RBFOX1: variants seen among roughly 807,000 people sequenced by gnomAD.
RBFOX1 encodes the protein RNA binding protein fox-1 homolog 1.
Under a neutral mutation model 57.7 loss-of-function variants are expected in RBFOX1, and 8 were observed. The ratio of observed to expected loss-of-function variants is 0.14; its 90% CI spans 0.08 to 0.25. The LOEUF (loss-of-function observed/expected upper bound fraction) is 0.25, where lower values mean the gene tolerates loss of function less well. RBFOX1 is among the 10% of genes least tolerant of loss of function. The pLI is 1.00. For missense variants in RBFOX1, 611 were observed against 548.5 expected (o/e 1.11, Z -1.14); for synonymous variants, 326 against 222.4 (o/e 1.47, Z -4.15).
At chr16:7,005,268 G>C (rs922652834) in intron 3 of RBFOX1, among the ~76,000 whole-genome samples, 1 of 152,162 alleles carries the variant, frequency 6.6e-6, no homozygotes, top group Admixed American at 6.5e-5. Flanking sequence ...CCTTTCAAGA[G>C]AACCTAAAGA....
chr16:6,535,967 T>C (rs2096729494), intron 2 of RBFOX1, among the ~76,000 whole-genome samples: 1 of 152,218 alleles, frequency 6.6e-6, no homozygotes, highest in African/African-American at 2.4e-5. Flanking sequence ...GCCTCTTTAG[T>C]TTCTATCCAA....
At chr16:5,329,031 T>C (rs900692465) in intron 1 of RBFOX1, among the ~76,000 whole-genome samples, 10 of 152,222 alleles carry the variant, frequency 6.6e-5, no homozygotes, top group South Asian at 2.1e-4. Context: ...ACAGCTAAAA[T>C]GTAGCCAGGC....
At chr16:5,390,194 T>C (rs2066366134) in intron 1 of RBFOX1, among the ~76,000 whole-genome samples, 1 of 152,144 alleles carries the variant, frequency 6.6e-6, no homozygotes, top group South Asian at 2.1e-4. Context: ...AATATATTTT[T>C]ATGCACTACA....
At chr16:6,634,151 T>G (rs1001470329) in intron 2 of RBFOX1, among the ~76,000 whole-genome samples, 3 of 152,186 alleles carry the variant, frequency 2.0e-5, no homozygotes, top group Non-Finnish European at 4.4e-5. Flanking sequence ...TGTGAGTAAT[T>G]CATGGAGGTT....
intron 3 of RBFOX1, among the ~76,000 whole-genome samples, chr16:5,830,940 G>C (rs1481838721): frequency 2.7e-5 from 4 of 150,096 alleles, no homozygotes; most frequent in Non-Finnish European, 5.9e-5. Context: ...AATTAACTCA[G>C]ACTGTCTCAC....
rs55707901 is a variant in RBFOX1, at chr16:6,193,392, CTATATATATATATATATATATATA to C, written c.-126-123592_-126-123569del. Among the ~76,000 whole-genome samples, 21 of 43,218 alleles carry C rather than the reference CTATATATATATATATATATATATA, an allele frequency of 4.9e-4. 1 individual carries two copies. In the South Asian group the frequency reaches 0.022, roughly 45 times the overall value. The allele number at this position is 43,218 out of a possible 152,430, so 28.4% of individuals were successfully genotyped here. A position where few individuals can be genotyped will look rare whatever the true frequency, so the allele number is the denominator to read the frequency against. On this transcript the variant is annotated intron_variant, in intron 1 of 15. Transcript: ENST00000550418. Reference sequence around the variant, plus strand: ...TATATATATACATTATATATATATACTATATATATATATATATATATATATATATATATAAAATTCAGTGAGAAG... The same window carrying C: ...TATATATATACATTATATATATATACTATATATATAAAATTCAGTGAGAAG...
At chr16:5,840,553 A>G (rs766487920) in intron 3 of RBFOX1, among the ~76,000 whole-genome samples, 32 of 152,174 alleles carry the variant, frequency 2.1e-4, no homozygotes, top group Non-Finnish European at 3.4e-4. Flanking sequence ...TGATCTTTAC[A>G]TAAACACTGA....
chr16:5,943,119 G>A (rs1328761259), intron 4 of RBFOX1, among the ~76,000 whole-genome samples: 1 of 152,146 alleles, frequency 6.6e-6, no homozygotes, highest in Non-Finnish European at 1.5e-5. Flanking sequence ...CTGGACCTCA[G>A]CACCCAGACA....
intron 1 of RBFOX1, among the ~76,000 whole-genome samples, chr16:6,246,578 A>C (rs2097570264): frequency 6.6e-6 from 1 of 152,180 alleles, no homozygotes; most frequent in South Asian, 2.1e-4. Flanking sequence ...GGGTTGGAAA[A>C]GTAATTGGCC....
chr16:7,688,145 G>A (rs1310866603), intron 14 of RBFOX1, among the ~76,000 whole-genome samples: 1 of 151,714 alleles, frequency 6.6e-6, no homozygotes, highest in African/African-American at 2.4e-5. Flanking sequence ...GGGGCATCTT[G>A]GCTGCCATCT....
chr16:6,595,001 C>T (rs899683894), intron 2 of RBFOX1, among the ~76,000 whole-genome samples: 3 of 152,074 alleles, frequency 2.0e-5, no homozygotes, highest in African/African-American at 4.8e-5. Context: ...GTTGGCCAGG[C>T]TGGTCTTGGT....
At chr16:7,388,472 C>T (rs1568566954) in intron 4 of RBFOX1, among the ~76,000 whole-genome samples, 2 of 151,988 alleles carry the variant, frequency 1.3e-5, no homozygotes, top group African/African-American at 4.8e-5. Context: ...AATTCTACTC[C>T]TCCTTTTTAT....
intron 4 of RBFOX1, among the ~76,000 whole-genome samples, chr16:7,112,097 C>T (rs2064898112): frequency 6.6e-6 from 1 of 152,074 alleles, no homozygotes; most frequent in Non-Finnish European, 1.5e-5. Context: ...ACAAAAATAT[C>T]CTGTGATCTT....
intron 3 of RBFOX1, among the ~76,000 whole-genome samples, chr16:6,950,279 G>C (rs1178747526): frequency 6.6e-6 from 1 of 151,954 alleles, no homozygotes; most frequent in African/African-American, 2.4e-5. Flanking sequence ...TGTCTTTGCA[G>C]AACCATGCTC....
At chr16:6,971,193 G>T (rs896222205) in intron 3 of RBFOX1, among the ~76,000 whole-genome samples, 1 of 152,152 alleles carries the variant, frequency 6.6e-6, no homozygotes, top group Admixed American at 6.6e-5. Context: ...CCGCTATACA[G>T]AGATTTTAAA....
At chr16:7,643,133 C>G (rs2063129494) in intron 11 of RBFOX1, among the ~76,000 whole-genome samples, 1 of 152,200 alleles carries the variant, frequency 6.6e-6, no homozygotes, top group South Asian at 2.1e-4. Flanking sequence ...TTAGTTACCA[C>G]CAATTCTACT....
intron 3 of RBFOX1, among the ~76,000 whole-genome samples, chr16:5,662,920 G>T (rs1232903598): frequency 6.6e-6 from 1 of 152,220 alleles, no homozygotes; most frequent in Non-Finnish European, 1.5e-5. Flanking sequence ...ATGTAGCTGG[G>T]ATAGTGCTTA....
rs374076712 is a variant in RBFOX1, at chr16:7,084,024, T to C, written c.27+31926T>C. The stretch of plus-strand genomic sequence containing the variant: ...TGACCTGTTAAAGGCCCTAACACTC[T>C]CCTGATCATCTTTCAGGTCATTTAC... On this transcript the variant is annotated intron_variant, in intron 4 of 15. Transcript: ENST00000550418. Among the ~76,000 whole-genome samples the C allele has an allele frequency of 2.7e-4, 41 of 152,210 alleles. No individual in the cohort carries two copies. The East Asian group carries it at 7.4e-3, about 27-fold the overall frequency.
At chr16:6,773,180 G>GTGTT (rs150320464) in intron 3 of RBFOX1, among the ~76,000 whole-genome samples, 74,215 of 107,252 alleles carry the variant, frequency 0.69, 26,686 homozygotes, top group East Asian at 0.91. Context: ...TTGTGTGTGT[G>GTGTT]TGTGTGGGCA....
Sources: allele counts gnomAD v4.1 joint callset (sites outside exome capture counted in the v4.1 genomes callset), GRCh38; gene constraint gnomAD v4.1.1; transcripts MANE v1.5; gene names NCBI Gene and HGNC (gene_info 2026-07-23, HGNC 2026-07-21).